The following CA10 variants were observed in gnomAD, a reference collection of about 807,000 sequenced individuals.
CA10 encodes the protein carbonic anhydrase 10 (inactive), also known as carbonic anhydrase-related protein 10.
A neutral mutation model predicts 44.2 loss-of-function variants in CA10; 14 were observed. That is an observed-to-expected ratio of 0.32 (90% CI 0.21 to 0.50). The LOEUF is 0.50. Among genes scored for constraint, CA10 ranks in the 20% least tolerant of loss-of-function variants. The pLI is 0.99. For missense variants in CA10, 350 were observed against 409.7 expected, an observed-to-expected ratio of 0.85 and a Z score of 1.26; for synonymous variants, 159 against 141.6, an observed-to-expected ratio of 1.12 and a Z score of -0.87.
intron 4 of CA10, among the ~76,000 whole-genome samples, chr17:51,682,240 C>A (rs1449634855): frequency 2.0e-5 from 3 of 152,256 alleles, no homozygotes; most frequent in Non-Finnish European, 2.9e-5. Context: ...TTCTAAAAAA[C>A]GTGGTTGGGC....
At chr17:52,002,540 CA>C (rs2144121692) in intron 2 of CA10, among the ~76,000 whole-genome samples, 1 of 152,052 alleles carries the variant, frequency 6.6e-6, no homozygotes, top group East Asian at 2.0e-4. Context: ...GGTGAGACTT[CA>C]GGGGGTTCTT....
chr17:52,098,904 T>C (rs1758903964), intron 1 of CA10, among the ~76,000 whole-genome samples: 1 of 152,240 alleles, frequency 6.6e-6, no homozygotes, highest in African/African-American at 2.4e-5. Flanking sequence ...TGAGCATTCG[T>C]ACCTGGTGGT....
intron 2 of CA10, among the ~76,000 whole-genome samples, chr17:51,975,437 G>A (rs1311902031): frequency 6.6e-6 from 1 of 152,200 alleles, no homozygotes; most frequent in Non-Finnish European, 1.5e-5. Flanking sequence ...CCAGCACTTT[G>A]GGAGACCAAG....
intron 4 of CA10, among the ~76,000 whole-genome samples, chr17:51,719,677 A>G (rs1173996051): frequency 6.6e-6 from 1 of 152,122 alleles, no homozygotes; most frequent in Non-Finnish European, 1.5e-5. Context: ...ACTTGAGGCC[A>G]GGAGTTTGAG....
intron 1 of CA10, among the ~76,000 whole-genome samples, chr17:52,077,532 C>T (rs1211938999): frequency 1.3e-5 from 2 of 151,152 alleles, no homozygotes; most frequent in East Asian, 3.9e-4. Context: ...AAACAAAGAG[C>T]TGGATTTGAT....
intron 2 of CA10, among the ~76,000 whole-genome samples, chr17:52,036,558 G>A (rs1279607988): frequency 6.6e-6 from 1 of 152,026 alleles, no homozygotes; most frequent in East Asian, 1.9e-4. Flanking sequence ...GGCAGGTGAG[G>A]GGAGGAAATT....
At chr17:51,896,058 T>C (rs371548556) in intron 3 of CA10, among the ~76,000 whole-genome samples, 9 of 152,210 alleles carry the variant, frequency 5.9e-5, no homozygotes, top group African/African-American at 1.9e-4. Flanking sequence ...ATTATTTGCA[T>C]ACAATAAAAT....
At chr17:51,831,556 C>T (rs1053064202) in intron 3 of CA10, among the ~76,000 whole-genome samples, 6 of 152,068 alleles carry the variant, frequency 3.9e-5, no homozygotes, top group African/African-American at 1.4e-4. Flanking sequence ...ACCAATAAGA[C>T]TATCAATGGC....
chr17:51,990,778 G>C (rs751410931), intron 2 of CA10, among the ~76,000 whole-genome samples: 1 of 152,078 alleles, frequency 6.6e-6, no homozygotes, highest in Non-Finnish European at 1.5e-5. Flanking sequence ...ATGTTCTTGA[G>C]AGTTATGGGT....
Position 51,884,587 on chromosome 17 carries a change from C to T in CA10, c.279+46403G>A, listed in dbSNP as rs556181519. On this transcript the variant is annotated intron_variant, in intron 3 of 8. Coordinates refer to ENST00000451037, the MANE Select transcript of CA10 (RefSeq NM_020178.5). ...AAAATAGCACACAGCTTCTCCTACC[C>T]TCTCTGTATTTCCGAACCTTTTCAG... Among the ~76,000 whole-genome samples, 10 of 152,314 alleles carry T rather than the reference C, an allele frequency of 6.6e-5. No individual in the cohort carries two copies. The South Asian group carries it at 2.1e-3, about 32-fold the overall frequency.
At chr17:51,692,972 G>A (rs1431731285) in intron 4 of CA10, among the ~76,000 whole-genome samples, 1 of 152,186 alleles carries the variant, frequency 6.6e-6, no homozygotes. Flanking sequence ...ACAGGTCTTA[G>A]TCAGTTGGTT....
rs139562945 is a variant in CA10, at chr17:51,702,300, T to A, written c.465+45333A>T. On this transcript the variant is annotated intron_variant, in intron 4 of 8. Coordinates refer to ENST00000451037, the MANE Select transcript of CA10 (RefSeq NM_020178.5). ...GACTTGCTGTGACTACTCAGCTAGCTGGCGGTAGACCCAGATTCAGATCCA... is the reference window on the plus strand; with the variant it reads ...GACTTGCTGTGACTACTCAGCTAGCAGGCGGTAGACCCAGATTCAGATCCA... Among the ~76,000 whole-genome samples the A allele has an allele frequency of 6.8e-3, 1,040 of 152,260 alleles. 14 individuals are homozygous for A. Among genetic ancestry groups the A allele is most frequent in the African/African-American group, 0.024 (1,003 of 41,540 alleles).
chr17:51,938,746 C>T (rs1471845650), intron 2 of CA10, among the ~76,000 whole-genome samples: 5 of 152,042 alleles, frequency 3.3e-5, no homozygotes, highest in African/African-American at 1.2e-4. Flanking sequence ...AGAGGGAATT[C>T]TCTTTTGCTG....
rs540923726 is a variant in CA10, at chr17:51,825,874, T to G, written c.280-78056A>C. Among the ~76,000 whole-genome samples the G allele has an allele frequency of 1.8e-4, 27 of 152,370 alleles. 1 individual carries two copies. The South Asian group carries it at 5.6e-3, about 32-fold the overall frequency. On this transcript the variant is annotated intron_variant, in intron 3 of 8. Transcript: ENST00000451037. ...AGACTGAACCAGTTGCCTTCCCTGATACTCCAAGATAGGACTTCTGTATCA... is the reference window on the plus strand; with the variant it reads ...AGACTGAACCAGTTGCCTTCCCTGAGACTCCAAGATAGGACTTCTGTATCA...
At chr17:51,836,842 C>G (rs951858354) in intron 3 of CA10, among the ~76,000 whole-genome samples, 1 of 151,932 alleles carries the variant, frequency 6.6e-6, no homozygotes, top group Non-Finnish European at 1.5e-5. Context: ...AAATACTCCC[C>G]AAAGAGGAAT....
chr17:51,794,235 GC>G (rs1346682496), intron 3 of CA10, among the ~76,000 whole-genome samples: 1 of 152,222 alleles, frequency 6.6e-6, no homozygotes, highest in African/African-American at 2.4e-5. Flanking sequence ...ACAAAAATGA[GC>G]CTGTTAACAG....
At chr17:52,148,316 C>A (rs1489662985) in intron 1 of CA10, among the ~76,000 whole-genome samples, 1 of 152,172 alleles carries the variant, frequency 6.6e-6, no homozygotes, top group East Asian at 1.9e-4. Context: ...CAAGTAGGAA[C>A]AGAGATGACA....
intron 1 of CA10, among the ~76,000 whole-genome samples, chr17:52,116,468 G>C (rs1426883249): frequency 6.6e-6 from 1 of 152,162 alleles, no homozygotes; most frequent in African/African-American, 2.4e-5. Context: ...TCATGGGTAA[G>C]AGCAGATAAT....
intron 3 of CA10, among the ~76,000 whole-genome samples, chr17:51,778,284 G>T (rs1001176110): frequency 2.0e-5 from 3 of 152,084 alleles, no homozygotes; most frequent in Non-Finnish European, 2.9e-5. Context: ...AGCCGCTATT[G>T]GGCACATGAA....
Sources: gnomAD v4.1 joint callset for allele counts (sites outside exome capture counted in the v4.1 genomes callset) on GRCh38, gnomAD v4.1.1 for gene constraint, MANE v1.5 for transcripts, NCBI Gene and HGNC (gene_info 2026-07-23, HGNC 2026-07-21) for gene names.